Variants in PRPS2 observed in about 807,000 individuals in gnomAD.
PRPS2 encodes the protein ribose-phosphate pyrophosphokinase 2.
For synonymous variants in PRPS2, 111 were observed against 115.3 expected (o/e 0.96, Z 0.24); for missense variants, 104 against 271.5 (o/e 0.38, Z 4.34).
Position 12,819,490 on chromosome X carries a change from A to G in PRPS2, c.531-17A>G. 1 of 1,203,063 alleles carries G rather than the reference A, an allele frequency of 8.3e-7. No homozygotes were observed. The highest frequency in any genetic ancestry group is 1.1e-6 in the Non-Finnish European group (1 of 889,828). On this transcript the variant is annotated splice_polypyrimidine_tract_variant and intron_variant, in intron 4 of 6. Transcript: ENST00000380668. ...TCTAGTTGACTGTATGAACATGTTC[A>G]TTTGTGCCTTTGCCAGGGTTACATC...
chrX:12,811,457 C>A (rs1207438490), intron 4 of PRPS2, among the ~76,000 whole-genome samples: 3 of 111,322 alleles, frequency 2.7e-5, no homozygotes, highest in Non-Finnish European at 5.7e-5. Flanking sequence ...CAAGCTGAGG[C>A]TTGGTGACCC....
At chrX:12,799,411 A>G (rs376692447) in intron 2 of PRPS2, 21 bp downstream of exon 2, 1 of 1,188,891 alleles carries the variant, frequency 8.4e-7, no homozygotes, top group Non-Finnish European at 1.1e-6. Context: ...TGTGTGCCCT[A>G]GAAACCTGCT....
intron 2 of PRPS2, among the ~76,000 whole-genome samples, chrX:12,807,481 C>G (rs1389848082): frequency 2.7e-5 from 3 of 112,508 alleles, no homozygotes; most frequent in Non-Finnish European, 5.6e-5. Context: ...GTTGTAGCAA[C>G]TGATTTGCTC....
rs190399569 is a variant in PRPS2 at position 12,812,337 on chromosome X, G to A, written c.530+2191G>A. 6.2e-5 allele frequency among the ~76,000 whole-genome samples: 7 copies of A among 112,022 alleles called. No homozygotes were observed. In the East Asian group the frequency reaches 1.4e-3, roughly 22 times the overall value. ...CTTTGTTACAATGTAATTCAAATAC[G>A]TACAATTGGCCGGGTGTGGTGACTC... On this transcript the variant is annotated intron_variant, in intron 4 of 6. Transcript: ENST00000380668.
intron 6 of PRPS2, 43 bp from the exon 7 acceptor site, chrX:12,822,661 G>C (rs1253937048): frequency 1.8e-6 from 2 of 1,105,436 alleles, no homozygotes; most frequent in Admixed American, 4.4e-5. Flanking sequence ...TAACTAAGAT[G>C]TCCTGCTTCC....
chrX:12,818,366 C>CAA (rs35450855), intron 4 of PRPS2, among the ~76,000 whole-genome samples: 10,674 of 62,677 alleles, frequency 0.17, 953 homozygotes, highest in East Asian at 0.4. Context: ...GAAACTGTCT[C>CAA]AAAAAAAAAA....
chrX:12,821,378 C>T (rs781760354), intron 6 of PRPS2, among the ~76,000 whole-genome samples: 32 of 104,663 alleles, frequency 3.1e-4, no homozygotes, highest in Non-Finnish European at 5.0e-4. Flanking sequence ...ATTGTGTTTC[C>T]GCTTCTAGGA....
intron 4 of PRPS2, among the ~76,000 whole-genome samples, chrX:12,813,661 G>T (rs189195989): frequency 7.2e-5 from 8 of 111,270 alleles, no homozygotes; most frequent in Non-Finnish European, 1.5e-4. Flanking sequence ...CTGTGGGTGA[G>T]GGTAGTGCCC....
chrX:12,819,494 G>A lies in PRPS2; in HGVS notation c.531-13G>A. On this transcript the variant is annotated splice_polypyrimidine_tract_variant and intron_variant, in intron 4 of 6. Coordinates refer to ENST00000380668, the MANE Select transcript of PRPS2 (RefSeq NM_002765.5). ...GTTGACTGTATGAACATGTTCATTT[G>A]TGCCTTTGCCAGGGTTACATCAATT... 8.3e-7 allele frequency: 1 copy of A among 1,202,865 alleles called. No individual in the cohort carries two copies. Among genetic ancestry groups the A allele is most frequent in the Non-Finnish European group, 1.1e-6 (1 of 889,734 alleles).
rs747053724 is a variant in PRPS2, at chrX:12,796,346, G to T, written c.123-2861G>T. ...AGTGATTCTCCTGCCTCAGCCTCCC[G>T]AGTAGCTGGGATTACAGGCATGCAC... On this transcript the variant is annotated intron_variant, in intron 1 of 6. Transcript: ENST00000380668. Among the ~76,000 whole-genome samples the T allele has an allele frequency of 1.2e-3, 132 of 107,952 alleles. 1 individual carries two copies. Among genetic ancestry groups the T allele is most frequent in the Non-Finnish European group, 2.0e-3 (107 of 52,223 alleles). 93.7% of individuals were successfully genotyped at this position (107,952 alleles called of 115,157 possible).
intron 1 of PRPS2, among the ~76,000 whole-genome samples, chrX:12,792,108 C>G (rs2147212343): frequency 8.8e-6 from 1 of 112,997 alleles, no homozygotes; most frequent in African/African-American, 3.2e-5. Context: ...AAGGTTTCCC[C>G]CCGTCCCCAA....
chrX:12,806,042 C>T (rs1354817539), intron 2 of PRPS2, among the ~76,000 whole-genome samples: 1 of 107,541 alleles, frequency 9.3e-6, no homozygotes, highest in African/African-American at 3.4e-5. Flanking sequence ...CTCACCACTG[C>T]ACTCCAGCCT....
chrX:12,818,071 A>G (rs945783182), intron 4 of PRPS2, among the ~76,000 whole-genome samples: 4 of 111,763 alleles, frequency 3.6e-5, no homozygotes, highest in African/African-American at 1.3e-4. Flanking sequence ...TTTTACCACA[A>G]TTGAAAAGAA....
At chrX:12,815,401 T>C (rs747636498) in intron 4 of PRPS2, among the ~76,000 whole-genome samples, 1 of 111,300 alleles carries the variant, frequency 9.0e-6, no homozygotes, top group Non-Finnish European at 1.9e-5. Context: ...TTCTCCGGTA[T>C]AGAACTTCCA....
At chrX:12,803,342 C>T (rs1006773189) in intron 2 of PRPS2, among the ~76,000 whole-genome samples, 2 of 112,611 alleles carry the variant, frequency 1.8e-5, no homozygotes, top group Non-Finnish European at 3.8e-5. Context: ...GGCTGAAGTG[C>T]GGTGGCACAA....
At position 12,822,885 on chromosome X, in the gene PRPS2, A is replaced by G; in HGVS notation, c.*89A>G. The G allele has an allele frequency of 5.8e-6, 4 of 689,144 alleles. No individual in the cohort carries two copies. Among genetic ancestry groups the G allele is most frequent in the Non-Finnish European group, 9.2e-6 (4 of 436,822 alleles). 56.8% of individuals were successfully genotyped at this position (689,144 alleles called of 1,213,427 possible). ...TTTTAGCTGTAGGTATTCAGCAATGATAGGTTAATCACTGGCAAAAGCATC... is the reference window on the plus strand; with the variant it reads ...TTTTAGCTGTAGGTATTCAGCAATGGTAGGTTAATCACTGGCAAAAGCATC... On this transcript the variant is annotated 3_prime_UTR_variant, in exon 7 of 7. Transcript: ENST00000380668.
intron 1 of PRPS2, 64 bp downstream of exon 1, chrX:12,791,683 G>A (rs2042519322): frequency 2.3e-6 from 2 of 875,212 alleles, no homozygotes; most frequent in African/African-American, 4.3e-5. Flanking sequence ...GGGCCGGGTT[G>A]GGGGCCGGCG....
Position 12,791,422 on chromosome X carries a change from C to T in PRPS2, c.-76C>T, listed in dbSNP as rs763772822. On this transcript the variant is annotated 5_prime_UTR_variant, in exon 1 of 7. Transcript: ENST00000380668. ...CGCTTTCCCGCTCCCGCAGCAGCAG[C>T]CTCCCGCGTCGCTGTCGCTGTTGCC... 260 of 1,123,006 alleles carry T rather than the reference C, an allele frequency of 2.3e-4. No individual in the cohort carries two copies. In the African/African-American group the frequency reaches 4.3e-3, roughly 19 times the overall value. The allele number at this position is 1,123,006 out of a possible 1,213,427, so 92.5% of individuals were successfully genotyped here.
At chrX:12,795,846 G>A (rs957895977) in intron 1 of PRPS2, among the ~76,000 whole-genome samples, 2 of 111,814 alleles carry the variant, frequency 1.8e-5, no homozygotes, top group African/African-American at 6.5e-5. Context: ...CATAGTTGAT[G>A]TAGTGTTCAC....
Sources: allele counts gnomAD v4.1 joint callset (sites outside exome capture counted in the v4.1 genomes callset), GRCh38; gene constraint gnomAD v4.1.1; transcripts MANE v1.5; gene names NCBI Gene and HGNC (gene_info 2026-07-23, HGNC 2026-07-21).